Variants in ADAMTS12 observed in about 807,000 individuals in gnomAD.
The protein encoded by ADAMTS12 is ADAM metallopeptidase with thrombospondin type 1 motif 12, also known as A disintegrin and metalloproteinase with thrombospondin motifs 12.
ADAMTS12 carries 118 observed loss-of-function variants against 167.8 expected under a neutral mutation model. The observed-to-expected ratio is 0.70, with a 90% CI of 0.61 to 0.82. The LOEUF is 0.82. Ranked by LOEUF, ADAMTS12 falls within the 40% of genes least tolerant of loss-of-function variation. The pLI is 0.00. For synonymous variants in ADAMTS12, 704 were observed against 716.9 expected, an observed-to-expected ratio of 0.98 and a Z score of 0.29; for missense variants, 1,916 against 1,998.8, an observed-to-expected ratio of 0.96 and a Z score of 0.79.
At chr5:33,692,191 C>T (rs1289392290) in intron 3 of ADAMTS12, among the ~76,000 whole-genome samples, 2 of 152,176 alleles carry the variant, frequency 1.3e-5, no homozygotes, top group Non-Finnish European at 2.9e-5. Context: ...CAGCTAAATT[C>T]TGACCAATAA....
chr5:33,772,423 A>T (rs1745771924), intron 2 of ADAMTS12, among the ~76,000 whole-genome samples: 1 of 151,966 alleles, frequency 6.6e-6, no homozygotes, highest in Non-Finnish European at 1.5e-5. Flanking sequence ...GGTCCAACTG[A>T]GCAGTGTGAG....
chr5:33,759,476 T>C (rs1027536525), intron 2 of ADAMTS12, among the ~76,000 whole-genome samples: 1 of 152,198 alleles, frequency 6.6e-6, no homozygotes, highest in African/African-American at 2.4e-5. Flanking sequence ...AAAATGACCA[T>C]GACAAAATGG....
At chr5:33,761,964 G>A (rs931018816) in intron 2 of ADAMTS12, among the ~76,000 whole-genome samples, 3 of 152,154 alleles carry the variant, frequency 2.0e-5, no homozygotes, top group South Asian at 2.1e-4. Flanking sequence ...AGGCACAGGC[G>A]GGTGGATCAC....
Position 33,662,135 on chromosome 5 carries a change from A to G in ADAMTS12, c.916-95T>C, listed in dbSNP as rs1741282050. 2.0e-6 allele frequency: 3 copies of G among 1,501,290 alleles called. No individual in the cohort carries two copies. The African/African-American group carries it at 4.1e-5, about 21-fold the overall frequency. The allele number at this position is 1,501,290 out of a possible 1,614,324, so 93.0% of individuals were successfully genotyped here. ...TCATCTCCAGAGGTGTCCAAGTGAG[A>G]TGAATTCAGGGTGGGTGCATCAGAC... On this transcript the variant is annotated intron_variant, in intron 5 of 23. Transcript: ENST00000504830.
chr5:33,621,243 T>A (rs1233708041), intron 14 of ADAMTS12, among the ~76,000 whole-genome samples: 1 of 151,596 alleles, frequency 6.6e-6, no homozygotes, highest in African/African-American at 2.4e-5. Context: ...ACTAAAAAAA[T>A]ACAAAAATTA....
At chr5:33,565,561 T>C (rs1487313694) in intron 19 of ADAMTS12, among the ~76,000 whole-genome samples, 2 of 152,294 alleles carry the variant, frequency 1.3e-5, no homozygotes, top group African/African-American at 4.8e-5. Context: ...ATTCTAGTAA[T>C]AGTCCTTACA....
chr5:33,560,981 C>A, intron 20 of ADAMTS12, 46 bp downstream of exon 20: 1 of 1,605,918 alleles, frequency 6.2e-7, no homozygotes. Flanking sequence ...TCCAACCCAT[C>A]CCCACCTTCT....
intron 2 of ADAMTS12, among the ~76,000 whole-genome samples, chr5:33,836,122 A>T (rs570477419): frequency 1.3e-5 from 2 of 152,288 alleles, no homozygotes; most frequent in South Asian, 4.1e-4. Context: ...GCATTCCCTC[A>T]AGTGAAAAAG....
intron 2 of ADAMTS12, among the ~76,000 whole-genome samples, chr5:33,823,571 T>C (rs1747942857): frequency 6.6e-6 from 1 of 151,618 alleles, no homozygotes; most frequent in Non-Finnish European, 1.5e-5. Context: ...TAGACGGGAC[T>C]CACCCTGTAG....
intron 5 of ADAMTS12, among the ~76,000 whole-genome samples, chr5:33,678,222 A>T (rs1260102595): frequency 6.6e-6 from 1 of 152,202 alleles, no homozygotes; most frequent in Admixed American, 6.5e-5. Context: ...CAAAGTCCTT[A>T]TGTGGCCACA....
chr5:33,881,064 A>G (rs2111774411), intron 2 of ADAMTS12, 55 bp downstream of exon 2: 1 of 1,577,962 alleles, frequency 6.3e-7, no homozygotes, highest in Non-Finnish European at 8.6e-7. Flanking sequence ...TAGGTCTACC[A>G]GCTGAGACTC....
At chr5:33,880,658 G>A (rs1284519366) in intron 2 of ADAMTS12, among the ~76,000 whole-genome samples, 1 of 152,246 alleles carries the variant, frequency 6.6e-6, no homozygotes, top group African/African-American at 2.4e-5. Context: ...GACTGCCCGA[G>A]GTTCCCTCAT....
chr5:33,775,776 T>C lies in ADAMTS12; in HGVS notation c.490-24228A>G, dbSNP rs143830682. Among the ~76,000 whole-genome samples the C allele has an allele frequency of 5.9e-3, 899 of 152,256 alleles. 15 individuals are homozygous for C. Among genetic ancestry groups the C allele is most frequent in the African/African-American group, 0.021 (873 of 41,534 alleles). On this transcript the variant is annotated intron_variant, in intron 2 of 23. Coordinates refer to ENST00000504830, the MANE Select transcript of ADAMTS12 (RefSeq NM_030955.4). The stretch of plus-strand genomic sequence containing the variant: ...AGACCCTCCACGTGGGGTGCTGGGA[T>C]CTGAGTGTTTGTGTTCCCCCAAATT...
intron 12 of ADAMTS12, among the ~76,000 whole-genome samples, chr5:33,633,125 T>C (rs775705763): frequency 9.9e-5 from 15 of 150,862 alleles, no homozygotes; most frequent in South Asian, 2.1e-4. Context: ...AGTGGGATAA[T>C]AGGAATTCAT....
At position 33,645,590 on chromosome 5, in the gene ADAMTS12, T is replaced by C. The variant is rs540416114; in HGVS notation, c.1480-2120A>G. Among the ~76,000 whole-genome samples the C allele has an allele frequency of 5.3e-5, 8 of 152,362 alleles. No homozygotes were observed. The East Asian group carries it at 1.5e-3, about 29-fold the overall frequency. ...CCCCCTTTTATTTTTTTTCCTTCTT[T>C]CCGAGGATTTCTTTTACTTTAAGTT... On this transcript the variant is annotated intron_variant, in intron 9 of 23. Coordinates refer to ENST00000504830, the MANE Select transcript of ADAMTS12 (RefSeq NM_030955.4).
intron 3 of ADAMTS12, among the ~76,000 whole-genome samples, chr5:33,708,132 C>A (rs1275221960): frequency 6.6e-6 from 1 of 152,116 alleles, no homozygotes; most frequent in East Asian, 1.9e-4. Flanking sequence ...AAAAAGTGGG[C>A]AAAGGATATG....
chr5:33,578,592 GA>G (rs928599931), intron 18 of ADAMTS12, among the ~76,000 whole-genome samples: 5 of 151,058 alleles, frequency 3.3e-5, no homozygotes, highest in East Asian at 1.9e-4. Flanking sequence ...CTTTTACCTG[GA>G]AAAAAAAATC....
At chr5:33,748,975 G>C (rs1217887364) in intron 3 of ADAMTS12, among the ~76,000 whole-genome samples, 1 of 152,172 alleles carries the variant, frequency 6.6e-6, no homozygotes, top group South Asian at 2.1e-4. Context: ...TGTTTAAACA[G>C]TAACTATGCA....
At chr5:33,676,348 TAGTC>T (rs1337132522) in intron 5 of ADAMTS12, among the ~76,000 whole-genome samples, 1 of 152,170 alleles carries the variant, frequency 6.6e-6, no homozygotes. Context: ...CATGCTCTGG[TAGTC>T]AGGCTTACGC....
Sources: gnomAD v4.1 joint callset for allele counts (sites outside exome capture counted in the v4.1 genomes callset) on GRCh38, gnomAD v4.1.1 for gene constraint, MANE v1.5 for transcripts, NCBI Gene and HGNC (gene_info 2026-07-23, HGNC 2026-07-21) for gene names.